Variants in BSPRY observed in about 807,000 individuals in gnomAD.
The protein encoded by BSPRY is B-box and SPRY domain containing, also known as B box and SPRY domain-containing protein.
In BSPRY, 33 loss-of-function variants were observed where a neutral mutation model predicts 38.0. That is an observed-to-expected ratio of 0.87 (90% CI 0.66 to 1.16). BSPRY has a LOEUF of 1.16. Ranked by LOEUF, BSPRY falls within the 50% of genes most tolerant of loss-of-function variation. BSPRY has a pLI of 0.00. For missense variants in BSPRY, 523 were observed against 533.2 expected (o/e 0.98, Z 0.19); for synonymous variants, 224 against 228.5 (o/e 0.98, Z 0.18).
chr9:113,358,235 G>A (rs904258673), intron 2 of BSPRY, among the ~76,000 whole-genome samples: 5 of 150,622 alleles, frequency 3.3e-5, no homozygotes, highest in African/African-American at 9.7e-5. Context: ...GTGACAGAGC[G>A]AGACCCTGTC....
At chr9:113,369,518 C>A in intron 5 of BSPRY, 98 bp from the exon 6 acceptor site, 1 of 1,287,166 alleles carries the variant, frequency 7.8e-7, no homozygotes, top group Non-Finnish European at 1.1e-6. Context: ...TATATGAGGT[C>A]ACCATGCTAG....
intron 2 of BSPRY, among the ~76,000 whole-genome samples, chr9:113,354,625 T>C (rs1202506860): frequency 6.6e-6 from 1 of 152,202 alleles, no homozygotes; most frequent in Non-Finnish European, 1.5e-5. Context: ...TCTGCCCAGC[T>C]GCAGAATTAT....
rs1236365625 is a variant in BSPRY, at chr9:113,349,576, G to A, written c.-4G>A. The A allele has an allele frequency of 3.4e-6, 4 of 1,159,840 alleles. No homozygotes were observed. The highest frequency in any genetic ancestry group is 3.2e-6 in the Non-Finnish European group (3 of 942,542). The allele number at this position is 1,159,840 out of a possible 1,614,324, so 71.8% of individuals were successfully genotyped here. On this transcript the variant is annotated 5_prime_UTR_variant, in exon 1 of 6. Transcript: ENST00000374183. The stretch of plus-strand genomic sequence containing the variant: ...GGTGGAGCGCACGGGGCGGGCGCAC[G>A]GCCATGTCCGCCGAGGGCGCGGAGC...
chr9:113,358,423 C>A (rs965516521), intron 2 of BSPRY, among the ~76,000 whole-genome samples: 2 of 151,906 alleles, frequency 1.3e-5, no homozygotes, highest in African/African-American at 4.8e-5. Context: ...CTCCCACCAC[C>A]AGGCCCAGCT....
intron 1 of BSPRY, among the ~76,000 whole-genome samples, chr9:113,351,689 G>A (rs1464666081): frequency 6.6e-6 from 1 of 152,184 alleles, no homozygotes; most frequent in African/African-American, 2.4e-5. Context: ...GTATCACCTG[G>A]AGAAACGGAG....
chr9:113,364,271 C>T (rs1002662722), intron 4 of BSPRY, among the ~76,000 whole-genome samples: 4 of 152,210 alleles, frequency 2.6e-5, no homozygotes, highest in African/African-American at 4.8e-5. Context: ...GGACATCTTT[C>T]CACATCAGTA....
In BSPRY at chr9:113,370,803, C is replaced by T. The variant is rs1225401510; in HGVS notation, c.*661C>T. ...ATGCTCTCTTCACAGGCAGAGAAGC[C>T]TGTGGCTAAAGTTTCCACATCCCAT... On this transcript the variant is annotated 3_prime_UTR_variant, in exon 6 of 6. Coordinates refer to ENST00000374183, the MANE Select transcript of BSPRY (RefSeq NM_017688.3). The surrounding 1 kb of genome is among the most constrained non-coding windows in gnomAD (Gnocchi z 4.8). The T allele has an allele frequency of 6.6e-6, 1 of 152,262 alleles. No homozygotes were observed. Among genetic ancestry groups the T allele is most frequent in the Non-Finnish European group, 1.5e-5 (1 of 68,048 alleles). The allele number at this position is 152,262 out of a possible 1,614,324, so 9.4% of individuals were successfully genotyped here.
Position 113,370,204 on chromosome 9 carries a change from G to A in BSPRY, c.*62G>A, listed in dbSNP as rs757279627. On this transcript the variant is annotated 3_prime_UTR_variant, in exon 6 of 6. Coordinates refer to ENST00000374183, the MANE Select transcript of BSPRY (RefSeq NM_017688.3). This position sits in a 1 kb window ranked among gnomAD's most constrained non-coding sequence, Gnocchi z 4.8. ...CCCTTTCAGGCCATGTTTCTACTCAGTGTGCTTTTCCCAAATGATGTGTGT... is the reference window on the plus strand; with the variant it reads ...CCCTTTCAGGCCATGTTTCTACTCAATGTGCTTTTCCCAAATGATGTGTGT... The A allele has an allele frequency of 7.3e-5, 110 of 1,497,950 alleles. 1 individual carries two copies. The highest frequency in any genetic ancestry group is 2.3e-4 in the Middle Eastern group (1 of 4,318). 92.8% of individuals were successfully genotyped at this position (1,497,950 alleles called of 1,614,324 possible). A position where few individuals can be genotyped will look rare whatever the true frequency, so the allele number is the denominator to read the frequency against.
chr9:113,363,876 CAAAAAAAAAAAAAAAAAA>C (rs57026104), intron 4 of BSPRY, among the ~76,000 whole-genome samples: 6 of 37,540 alleles, frequency 1.6e-4, no homozygotes, highest in African/African-American at 5.2e-4. Flanking sequence ...GACTCCACCT[CAAAAAAAAAAAAAAAAAA>C]AAAAAAAAAA....
chr9:113,357,626 C>A (rs902582931), intron 2 of BSPRY, among the ~76,000 whole-genome samples: 2 of 151,994 alleles, frequency 1.3e-5, no homozygotes, highest in African/African-American at 4.8e-5. Flanking sequence ...ATCAAAGTTG[C>A]CACAGGTTTG....
intron 2 of BSPRY, among the ~76,000 whole-genome samples, chr9:113,356,544 A>T (rs574379140): frequency 6.6e-6 from 1 of 152,114 alleles, no homozygotes; most frequent in Admixed American, 6.5e-5. Context: ...TATGTTTAGA[A>T]GTGATTATAG....
chr9:113,360,348 G>A (rs1834128895), intron 2 of BSPRY, among the ~76,000 whole-genome samples, 159 bp from the exon 3 acceptor site: 2 of 152,310 alleles, frequency 1.3e-5, no homozygotes, highest in South Asian at 4.1e-4. Flanking sequence ...GGGCAGAGAT[G>A]TCAAAGTAAA....
chr9:113,362,733 T>C (rs532723197), intron 4 of BSPRY, among the ~76,000 whole-genome samples: 1 of 152,364 alleles, frequency 6.6e-6, no homozygotes, highest in Admixed American at 6.5e-5. Context: ...GGGATCTCCC[T>C]AAGCCTGGAA....
intron 4 of BSPRY, among the ~76,000 whole-genome samples, chr9:113,365,750 A>AGTGT (rs3983380): frequency 1.4e-5 from 2 of 147,254 alleles, no homozygotes; most frequent in East Asian, 2.0e-4. Flanking sequence ...AGAGAGAGAG[A>AGTGT]GTGTGTGTGT....
chr9:113,351,099 T>C (rs1191070020), intron 1 of BSPRY, among the ~76,000 whole-genome samples: 1 of 151,812 alleles, frequency 6.6e-6, no homozygotes, highest in Non-Finnish European at 1.5e-5. Flanking sequence ...CTAATGGGGG[T>C]GAGAATGTCA....
intron 2 of BSPRY, 142 bp downstream of exon 2, chr9:113,354,480 A>T: frequency 3.0e-6 from 2 of 661,528 alleles, no homozygotes; most frequent in Non-Finnish European, 5.3e-6. Flanking sequence ...TCAGAGACTC[A>T]ATTTTACCAT....
chr9:113,353,844 A>G (rs1466411499), intron 1 of BSPRY, among the ~76,000 whole-genome samples: 1 of 152,272 alleles, frequency 6.6e-6, no homozygotes, highest in Non-Finnish European at 1.5e-5. Flanking sequence ...AAATGTTTCT[A>G]AATAATATAG....
At chr9:113,363,876 C>CA (rs57026104) in intron 4 of BSPRY, among the ~76,000 whole-genome samples, 1,292 of 37,550 alleles carry the variant, frequency 0.034, 230 homozygotes, top group Non-Finnish European at 0.047. Context: ...GACTCCACCT[C>CA]AAAAAAAAAA....
At chr9:113,365,830 AGTCTTACTCT>A (rs1834241200) in intron 4 of BSPRY, among the ~76,000 whole-genome samples, 1 of 106,688 alleles carries the variant, frequency 9.4e-6, no homozygotes, top group Non-Finnish European at 1.8e-5. Context: ...TTTGAGATGG[AGTCTTACTCT>A]GTCACTTAGG....
Sources: allele counts gnomAD v4.1 joint callset (sites outside exome capture counted in the v4.1 genomes callset), GRCh38; gene constraint gnomAD v4.1.1; non-coding constraint Gnocchi (gnomAD v3.1); transcripts MANE v1.5; gene names NCBI Gene and HGNC (gene_info 2026-07-23, HGNC 2026-07-21).